DMD: variants seen among roughly 807,000 people sequenced by gnomAD.
DMD encodes the protein dystrophin.
DMD carries 63 observed loss-of-function variants against 330.1 expected under a neutral mutation model. The ratio of observed to expected loss-of-function variants is 0.19; its 90% CI spans 0.16 to 0.24. The LOEUF (loss-of-function observed/expected upper bound fraction) is 0.24. DMD is among the 10% of genes least tolerant of loss of function. The probability of loss-of-function intolerance (pLI) is 1.00; values close to 1 mark genes in which losing one functional copy is unlikely to be tolerated. For missense variants in DMD, 3,344 were observed against 2,684.1 expected (o/e 1.25, Z -5.43); for synonymous variants, 1,223 against 959.8 (o/e 1.27, Z -5.07).
At chrX:31,933,268 T>G (rs2094881620) in intron 45 of DMD, among the ~76,000 whole-genome samples, 1 of 111,898 alleles carries the variant, frequency 8.9e-6, no homozygotes, top group Admixed American at 9.5e-5. Flanking sequence ...TTATGTGGCT[T>G]CAGCTTGGTT....
intron 2 of DMD, among the ~76,000 whole-genome samples, chrX:32,917,230 A>G (rs775209424): frequency 1.1e-5 from 1 of 90,930 alleles, no homozygotes; most frequent in South Asian, 6.3e-4. Context: ...ACCTTCTGCC[A>G]AGATTGTCAG....
At chrX:32,446,580 G>T (rs1170892794) in intron 27 of DMD, among the ~76,000 whole-genome samples, 1 of 109,910 alleles carries the variant, frequency 9.1e-6, no homozygotes, top group Non-Finnish European at 1.9e-5. Context: ...AGAACAAAAG[G>T]CAAAACTGAT....
At chrX:31,360,277 T>C (rs2058867578) in intron 60 of DMD, among the ~76,000 whole-genome samples, 1 of 111,723 alleles carries the variant, frequency 9.0e-6, no homozygotes, top group South Asian at 3.7e-4. Context: ...TGCATTCACA[T>C]GATAATAAAA....
At position 32,863,509 on chromosome X, in the gene DMD, C is replaced by CAAAAAAAAAA. The variant is rs544421635; in HGVS notation, c.94-13699_94-13690dup. The stretch of plus-strand genomic sequence containing the variant: ...TGGGTGGCAGAGTGAGACTCCGTCT[C>CAAAAAAAAAA]AAAAAAAAAAAAAAAAGATTGTGTT... On this transcript the variant is annotated intron_variant, in intron 2 of 78. Transcript: ENST00000357033. Among the ~76,000 whole-genome samples, 4 of 49,058 alleles carry CAAAAAAAAAA rather than the reference C, an allele frequency of 8.2e-5. 1 individual carries two copies. The highest frequency in any genetic ancestry group is 6.8e-4 in the East Asian group (1 of 1,463). The allele number at this position is 49,058 out of a possible 115,157, so 42.6% of individuals were successfully genotyped here.
chrX:32,298,351 A>G (rs2097506079), intron 42 of DMD, among the ~76,000 whole-genome samples: 1 of 110,780 alleles, frequency 9.0e-6, no homozygotes, highest in East Asian at 2.9e-4. Flanking sequence ...TGGTAGAGAA[A>G]GGCCTTAAGG....
chrX:31,233,611 C>T (rs760683795), intron 63 of DMD, among the ~76,000 whole-genome samples: 7 of 111,563 alleles, frequency 6.3e-5, no homozygotes, highest in Non-Finnish European at 1.1e-4. Context: ...TTGTGGAAAG[C>T]GTATTTTAAT....
chrX:31,774,664 T>C (rs1175008886), intron 50 of DMD, among the ~76,000 whole-genome samples: 1 of 111,576 alleles, frequency 9.0e-6, no homozygotes, highest in Non-Finnish European at 1.9e-5. Flanking sequence ...AGGAAGTAAA[T>C]TAATTTGAAG....
At chrX:32,626,237 G>A (rs1432237980) in intron 11 of DMD, among the ~76,000 whole-genome samples, 2 of 111,599 alleles carry the variant, frequency 1.8e-5, no homozygotes, top group African/African-American at 6.5e-5. Flanking sequence ...TTGGGAGGCC[G>A]AGGTGGCTGG....
chrX:31,688,499 T>C (rs1287842169), intron 52 of DMD, among the ~76,000 whole-genome samples: 2 of 111,250 alleles, frequency 1.8e-5, no homozygotes, highest in African/African-American at 6.5e-5. Flanking sequence ...CCAAAAAAAG[T>C]CCAGGACCAG....
intron 7 of DMD, among the ~76,000 whole-genome samples, chrX:32,723,573 T>C (rs185102175): frequency 9.0e-6 from 1 of 111,414 alleles, no homozygotes; most frequent in Non-Finnish European, 1.9e-5. Flanking sequence ...ATTGGATAAA[T>C]AAATCTCGAT....
At chrX:33,163,555 T>TATATATATATAC in intron 1 of DMD, among the ~76,000 whole-genome samples, 1 of 93,230 alleles carries the variant, frequency 1.1e-5, no homozygotes, top group African/African-American at 4.9e-5. Flanking sequence ...TATGTGTGTA[T>TATATATATATAC]ATATATATAT....
At chrX:31,471,379 C>T (rs1236077878) in intron 59 of DMD, among the ~76,000 whole-genome samples, 2 of 111,865 alleles carry the variant, frequency 1.8e-5, no homozygotes, top group African/African-American at 6.5e-5. Flanking sequence ...CACAGTCCCT[C>T]ACGGCTTCTG....
intron 32 of DMD, among the ~76,000 whole-genome samples, chrX:32,387,306 A>T (rs1380351455): frequency 9.0e-6 from 1 of 111,156 alleles, no homozygotes; most frequent in Non-Finnish European, 1.9e-5. Flanking sequence ...TTTCCTAGAA[A>T]TATATGTCTT....
In DMD at chrX:31,121,860, G is replaced by A; in HGVS notation, c.*59C>T. The A allele has an allele frequency of 2.5e-6, 3 of 1,204,693 alleles. No homozygotes were observed. Among genetic ancestry groups the A allele is most frequent in the Non-Finnish European group, 3.4e-6 (3 of 889,145 alleles). ...ATTCTGCTCCTTCTTCATCTGTCAT[G>A]ACTGATACTAAGGACTCCATCGCTC... On this transcript the variant is annotated 3_prime_UTR_variant, in exon 79 of 79. Coordinates refer to ENST00000357033, the MANE Select transcript of DMD (RefSeq NM_004006.3).
chrX:31,283,844 A>G (rs1194791995), intron 62 of DMD, among the ~76,000 whole-genome samples: 2 of 112,174 alleles, frequency 1.8e-5, no homozygotes, highest in Non-Finnish European at 3.8e-5. Flanking sequence ...GTGTGGTAGC[A>G]TACCAATTAA....
intron 18 of DMD, among the ~76,000 whole-genome samples, chrX:32,512,558 C>T (rs953016188): frequency 8.9e-6 from 1 of 112,238 alleles, no homozygotes; most frequent in Non-Finnish European, 1.9e-5. Flanking sequence ...AGCCACTTCA[C>T]GTTCAAGTCC....
intron 1 of DMD, among the ~76,000 whole-genome samples, chrX:33,165,582 G>GAA (rs60748491): frequency 1.5e-4 from 16 of 109,410 alleles, no homozygotes; most frequent in African/African-American, 5.3e-4. Flanking sequence ...TAGCCAGTAT[G>GAA]AAAAAAAAAT....
At chrX:32,072,377 G>A (rs2096307371) in intron 44 of DMD, among the ~76,000 whole-genome samples, 1 of 110,089 alleles carries the variant, frequency 9.1e-6, no homozygotes, top group Non-Finnish European at 1.9e-5. Flanking sequence ...AAACTATATA[G>A]TGAACAAAGA....
chrX:32,619,306 G>T (rs752749719), intron 11 of DMD, among the ~76,000 whole-genome samples: 1 of 111,214 alleles, frequency 9.0e-6, no homozygotes, highest in Non-Finnish European at 1.9e-5. Flanking sequence ...AGAGGCTGAG[G>T]TGGTTATGGG....
Sources: allele counts gnomAD v4.1 joint callset (sites outside exome capture counted in the v4.1 genomes callset), GRCh38; gene constraint gnomAD v4.1.1; transcripts MANE v1.5; gene names NCBI Gene and HGNC (gene_info 2026-07-23, HGNC 2026-07-21).